Variants in TNIK observed in about 807,000 individuals in gnomAD.
TNIK encodes TRAF2 and NCK interacting kinase.
In TNIK, 49 loss-of-function variants were observed where a neutral mutation model predicts 191.3. The observed-to-expected ratio is 0.26, with a 90% CI of 0.20 to 0.32. The LOEUF is 0.32. Ranked by LOEUF, TNIK falls within the 10% of genes least tolerant of loss-of-function variation. The pLI, the probability that TNIK is intolerant of heterozygous loss-of-function variation, is 1.00. For missense variants in TNIK, 1,155 were observed against 1,702.3 expected (o/e 0.68, Z 5.66); for synonymous variants, 594 against 600.9 (o/e 0.99, Z 0.17).
intron 1 of TNIK, among the ~76,000 whole-genome samples, chr3:171,444,867 T>G (rs1262213997): frequency 6.6e-6 from 1 of 152,126 alleles, no homozygotes; most frequent in Non-Finnish European, 1.5e-5. Context: ...GAATATATTT[T>G]GCTTTTCTTT....
chr3:171,458,190 C>T (rs1003680346), intron 1 of TNIK, among the ~76,000 whole-genome samples: 66 of 146,350 alleles, frequency 4.5e-4, no homozygotes, highest in African/African-American at 1.4e-3. Context: ...AGCACCCCAC[C>T]CCCAGTCGGG....
At position 171,426,299 on chromosome 3, in the gene TNIK, G is replaced by A. The variant is rs183484147; in HGVS notation, c.57+33708C>T. Among the ~76,000 whole-genome samples the A allele has an allele frequency of 1.1e-4, 16 of 150,716 alleles. No homozygotes were observed. The East Asian group carries it at 2.0e-3, about 19-fold the overall frequency. ...ACACCATCATTCTCAGCAAACTATC[G>A]CAAGGACAAAAAACCAAACACCGCA... On this transcript the variant is annotated intron_variant, in intron 1 of 32. Transcript: ENST00000436636.
At chr3:171,428,001 G>C (rs1416564697) in intron 1 of TNIK, among the ~76,000 whole-genome samples, 1 of 152,160 alleles carries the variant, frequency 6.6e-6, no homozygotes, top group Non-Finnish European at 1.5e-5. Context: ...GGTGCTGGGG[G>C]CTGGGGGAGC....
chr3:171,255,789 G>A (rs1746779158), intron 2 of TNIK, among the ~76,000 whole-genome samples: 1 of 152,144 alleles, frequency 6.6e-6, no homozygotes, highest in African/African-American at 2.4e-5. Context: ...GCTGCTCAGT[G>A]TTTCAGAAAC....
At chr3:171,252,790 A>C (rs1239894131) in intron 2 of TNIK, among the ~76,000 whole-genome samples, 1 of 152,206 alleles carries the variant, frequency 6.6e-6, no homozygotes, top group Non-Finnish European at 1.5e-5. Flanking sequence ...TGGAATGGGG[A>C]GAGCACTCGG....
intron 29 of TNIK, among the ~76,000 whole-genome samples, chr3:171,070,278 A>G (rs866444759): frequency 6.6e-6 from 1 of 152,204 alleles, no homozygotes; most frequent in Non-Finnish European, 1.5e-5. Flanking sequence ...AGGGAACAAG[A>G]TAGAAGTGAT....
At position 171,290,541 on chromosome 3, in the gene TNIK, A is replaced by G. The variant is rs187580178; in HGVS notation, c.124-62320T>C. On this transcript the variant is annotated intron_variant, in intron 2 of 32. Coordinates refer to ENST00000436636, the MANE Select transcript of TNIK (RefSeq NM_015028.4). ...ATTATTATATGTCAAAATGAATTTT[A>G]TTAAGAAAAATCAAATATGCTGAAC... 8.5e-5 allele frequency among the ~76,000 whole-genome samples: 13 copies of G among 152,360 alleles called. No individual in the cohort carries two copies. The East Asian group carries it at 2.5e-3, about 29-fold the overall frequency.
At chr3:171,236,427 A>G (rs969127904) in intron 2 of TNIK, among the ~76,000 whole-genome samples, 1 of 152,208 alleles carries the variant, frequency 6.6e-6, no homozygotes, top group African/African-American at 2.4e-5. Context: ...CCAAGTGTTA[A>G]CTAAGAAAAC....
intron 4 of TNIK, among the ~76,000 whole-genome samples, chr3:171,207,413 G>A (rs1052764002): frequency 1.3e-5 from 2 of 151,544 alleles, no homozygotes; most frequent in African/African-American, 4.9e-5. Flanking sequence ...TACCCACGCT[G>A]GTCTCAGACT....
intron 2 of TNIK, among the ~76,000 whole-genome samples, chr3:171,271,693 G>T (rs572872703): frequency 6.6e-6 from 1 of 152,266 alleles, no homozygotes; most frequent in African/African-American, 2.4e-5. Context: ...AGTTCTTAAA[G>T]GAAAGGGACC....
intron 1 of TNIK, among the ~76,000 whole-genome samples, chr3:171,417,433 G>A (rs535687935): frequency 2.0e-5 from 3 of 152,134 alleles, no homozygotes; most frequent in African/African-American, 7.2e-5. Flanking sequence ...CATACTAAAT[G>A]CATCTTCACT....
intron 2 of TNIK, among the ~76,000 whole-genome samples, chr3:171,305,314 T>C (rs9863259): frequency 4.0e-4 from 61 of 152,116 alleles, no homozygotes; most frequent in African/African-American, 1.4e-3. Context: ...TTAAAGAAAA[T>C]ATTTCATCTG....
intron 1 of TNIK, among the ~76,000 whole-genome samples, chr3:171,418,733 G>A (rs757255882): frequency 5.3e-5 from 8 of 152,132 alleles, no homozygotes; most frequent in Non-Finnish European, 8.8e-5. Flanking sequence ...TTGATGAATA[G>A]ATAAACAAGA....
chr3:171,161,559 G>C (rs1292347040), intron 10 of TNIK, among the ~76,000 whole-genome samples: 1 of 152,168 alleles, frequency 6.6e-6, no homozygotes, highest in Non-Finnish European at 1.5e-5. Context: ...CCAGTGCCTA[G>C]TGTTCACATG....
At chr3:171,094,368 C>T (rs1455932602) in intron 22 of TNIK, among the ~76,000 whole-genome samples, 2 of 152,090 alleles carry the variant, frequency 1.3e-5, no homozygotes, top group African/African-American at 2.4e-5. Flanking sequence ...GATCTCCTGA[C>T]CTCGTGATTT....
chr3:171,297,105 G>A (rs981778532), intron 2 of TNIK, among the ~76,000 whole-genome samples: 1 of 152,074 alleles, frequency 6.6e-6, no homozygotes, highest in Non-Finnish European at 1.5e-5. Context: ...CTATAATTTG[G>A]TGTCGTTTTC....
intron 15 of TNIK, among the ~76,000 whole-genome samples, chr3:171,131,131 G>A (rs1460034549): frequency 6.6e-6 from 1 of 151,776 alleles, no homozygotes; most frequent in African/African-American, 2.4e-5. Context: ...GAGGTCAGGA[G>A]ATCGAGACCA....
chr3:171,459,332 A>G (rs951374384), intron 1 of TNIK, among the ~76,000 whole-genome samples: 5 of 152,150 alleles, frequency 3.3e-5, no homozygotes, highest in African/African-American at 1.2e-4. Flanking sequence ...ATAAAACTGA[A>G]ACGTTACAGC....
chr3:171,152,769 GTTTTTTGTTTTTTTT>G (rs978801380), intron 12 of TNIK, among the ~76,000 whole-genome samples: 5 of 88,846 alleles, frequency 5.6e-5, no homozygotes, highest in African/African-American at 2.6e-4. Flanking sequence ...TTTGTTTTTT[GTTTTTTGTTTTTTTT>G]TTTTTGAGAC....
Sources: gnomAD v4.1 joint callset for allele counts (sites outside exome capture counted in the v4.1 genomes callset) on GRCh38, gnomAD v4.1.1 for gene constraint, MANE v1.5 for transcripts, NCBI Gene and HGNC (gene_info 2026-07-23, HGNC 2026-07-21) for gene names.